MYT1L: variants seen among roughly 807,000 people sequenced by gnomAD.
MYT1L encodes the protein myelin transcription factor 1-like protein.
Under a neutral mutation model 126.7 loss-of-function variants are expected in MYT1L, and 12 were observed. The ratio of observed to expected loss-of-function variants is 0.09; its 90% CI spans 0.06 to 0.15. MYT1L has a LOEUF of 0.15. Among genes scored for constraint, MYT1L ranks in the 10% least tolerant of loss-of-function variants. The probability of loss-of-function intolerance (pLI) is 1.00; values close to 1 mark genes in which losing one functional copy is unlikely to be tolerated. For synonymous variants in MYT1L, 541 were observed against 604.2 expected, an observed-to-expected ratio of 0.90 and a Z score of 1.53; for missense variants, 979 against 1,585.2, an observed-to-expected ratio of 0.62 and a Z score of 6.49.
At chr2:2,106,732 C>T (rs960304198) in intron 3 of MYT1L, among the ~76,000 whole-genome samples, 2 of 152,194 alleles carry the variant, frequency 1.3e-5, no homozygotes, top group African/African-American at 4.8e-5. Context: ...CAGGACATGT[C>T]CTCTCAGTTT....
At chr2:2,250,644 AC>A (rs1422609327) in intron 2 of MYT1L, among the ~76,000 whole-genome samples, 1 of 152,044 alleles carries the variant, frequency 6.6e-6, no homozygotes, top group East Asian at 1.9e-4. Flanking sequence ...TTAATTGTAC[AC>A]ATAAAAATAA....
chr2:1,993,559 G>C (rs2061602446), intron 5 of MYT1L, among the ~76,000 whole-genome samples: 1 of 152,052 alleles, frequency 6.6e-6, no homozygotes, highest in African/African-American at 2.4e-5. Context: ...GTATTCCTCA[G>C]AATATACCTA....
At chr2:2,084,627 A>G (rs923599833) in intron 3 of MYT1L, among the ~76,000 whole-genome samples, 34 of 152,078 alleles carry the variant, frequency 2.2e-4, no homozygotes, top group Admixed American at 1.2e-3. Context: ...GCCTGCTGGA[A>G]CCCCGAGAGA....
At chr2:1,837,161 AACC>A in intron 21 of MYT1L, among the ~76,000 whole-genome samples, 1 of 152,304 alleles carries the variant, frequency 6.6e-6, no homozygotes, top group Admixed American at 6.5e-5. Flanking sequence ...CATACAATGC[AACC>A]AGAGGCTGGG....
intron 8 of MYT1L, among the ~76,000 whole-genome samples, chr2:1,945,505 GAC>G (rs1208228297): frequency 6.6e-6 from 1 of 152,030 alleles, no homozygotes; most frequent in Non-Finnish European, 1.5e-5. Flanking sequence ...GTGAGAGCAG[GAC>G]ACAGTGTGTG....
intron 18 of MYT1L, among the ~76,000 whole-genome samples, chr2:1,879,843 G>A (rs181418824): frequency 0.013 from 1,936 of 152,144 alleles, 17 homozygotes; most frequent in Middle Eastern, 0.017. Context: ...TTTTACATTT[G>A]ATTTGATGAC....
At chr2:2,255,689 C>T (rs372921639) in intron 2 of MYT1L, among the ~76,000 whole-genome samples, 94 of 152,250 alleles carry the variant, frequency 6.2e-4, no homozygotes, top group African/African-American at 2.0e-3. Flanking sequence ...CGCACATACC[C>T]GTGTGGATGC....
chr2:2,085,847 C>T (rs1028007551), intron 3 of MYT1L, among the ~76,000 whole-genome samples: 2 of 152,176 alleles, frequency 1.3e-5, no homozygotes, highest in African/African-American at 4.8e-5. Context: ...CTCTCAGGCC[C>T]CTCTGTCCCC....
intron 1 of MYT1L, among the ~76,000 whole-genome samples, chr2:2,294,574 A>G (rs757325587): frequency 6.6e-6 from 1 of 151,974 alleles, no homozygotes; most frequent in Non-Finnish European, 1.5e-5. Context: ...GAAGGAGGAA[A>G]GAGAGGGCAG....
chr2:2,230,277 C>T (rs915075454), intron 2 of MYT1L, among the ~76,000 whole-genome samples: 3 of 152,206 alleles, frequency 2.0e-5, no homozygotes, highest in Non-Finnish European at 4.4e-5. Context: ...ACAAAGTGCT[C>T]GGTGAACTCA....
chr2:2,290,289 TG>T (rs888530580), intron 1 of MYT1L, among the ~76,000 whole-genome samples: 8 of 152,338 alleles, frequency 5.3e-5, no homozygotes, highest in Admixed American at 2.0e-4. Flanking sequence ...CCCAGAGCCC[TG>T]GCTTCCACTT....
intron 1 of MYT1L, among the ~76,000 whole-genome samples, chr2:2,288,868 TCAGGAATGC>T (rs2095559068): frequency 6.6e-6 from 1 of 152,234 alleles, no homozygotes; most frequent in African/African-American, 2.4e-5. Flanking sequence ...CAATTCAGTC[TCAGGAATGC>T]CAGGCTTATA....
chr2:2,288,844 C>A (rs2095558869), intron 1 of MYT1L, among the ~76,000 whole-genome samples: 1 of 152,190 alleles, frequency 6.6e-6, no homozygotes, highest in Non-Finnish European at 1.5e-5. Flanking sequence ...TGCTAGAGAA[C>A]AATATAACCC....
intron 18 of MYT1L, among the ~76,000 whole-genome samples, chr2:1,856,011 A>G (rs1330269340): frequency 6.6e-6 from 1 of 152,234 alleles, no homozygotes; most frequent in Non-Finnish European, 1.5e-5. Context: ...GAAAAATCAT[A>G]ATAAAATATT....
chr2:2,077,776 G>T (rs1202137331), intron 3 of MYT1L, among the ~76,000 whole-genome samples: 1 of 152,238 alleles, frequency 6.6e-6, no homozygotes, highest in African/African-American at 2.4e-5. Context: ...TAAAAACAGA[G>T]AATTTATTGC....
intron 13 of MYT1L, among the ~76,000 whole-genome samples, chr2:1,908,070 C>T (rs1488848395): frequency 6.6e-6 from 1 of 152,240 alleles, no homozygotes; most frequent in Admixed American, 6.5e-5. Context: ...TGGCCTGGTT[C>T]CCATTCCAGC....
intron 2 of MYT1L, among the ~76,000 whole-genome samples, chr2:2,215,042 A>G (rs1225020922): frequency 1.3e-5 from 2 of 152,208 alleles, no homozygotes; most frequent in African/African-American, 4.8e-5. Context: ...ACACATCCAA[A>G]GCGATGACTA....
intron 3 of MYT1L, among the ~76,000 whole-genome samples, chr2:2,069,917 T>A (rs1475461680): frequency 6.7e-6 from 1 of 149,778 alleles, no homozygotes; most frequent in Admixed American, 6.7e-5. Flanking sequence ...TTTGATGGGG[T>A]TGTTTTTTCT....
chr2:2,006,361 C>CT (rs902610778), intron 4 of MYT1L, among the ~76,000 whole-genome samples: 5 of 152,240 alleles, frequency 3.3e-5, no homozygotes, highest in Non-Finnish European at 7.4e-5. Flanking sequence ...ATCTCAGTTA[C>CT]TTTTTTGTGA....
Sources: gnomAD v4.1 joint callset for allele counts (sites outside exome capture counted in the v4.1 genomes callset) on GRCh38, gnomAD v4.1.1 for gene constraint, MANE v1.5 for transcripts, NCBI Gene and HGNC (gene_info 2026-07-23, HGNC 2026-07-21) for gene names.